Variants in GLRX observed in about 807,000 individuals in gnomAD.
The protein encoded by GLRX is glutaredoxin-1.
GLRX carries 9 observed loss-of-function variants against 11.1 expected under a neutral mutation model. The ratio of observed to expected loss-of-function variants is 0.81; its 90% confidence interval spans 0.49 to 1.42. The LOEUF is 1.42. Ranked by LOEUF, GLRX falls within the 40% of genes most tolerant of loss-of-function variation. The pLI, the probability that GLRX is intolerant of heterozygous loss-of-function variation, is 0.00. For missense variants in GLRX, 102 were observed against 126.2 expected, an observed-to-expected ratio of 0.81 and a Z score of 0.92; for synonymous variants, 49 against 49.5, an observed-to-expected ratio of 0.99 and a Z score of 0.04.
Position 95,822,677 on chromosome 5 carries a change from G to T in GLRX, c.-15C>A. 1 of 1,609,862 alleles carries T rather than the reference G, an allele frequency of 6.2e-7. No homozygotes were observed. Among genetic ancestry groups the T allele is most frequent in the Non-Finnish European group, 8.5e-7 (1 of 1,176,374 alleles). Reference sequence around the variant, plus strand: ...TCTTGAGCCATGCCGATGGGCTGCGGTCTCCCCGGGAAGAATCCTCAGTTG... The same window carrying T: ...TCTTGAGCCATGCCGATGGGCTGCGTTCTCCCCGGGAAGAATCCTCAGTTG... On this transcript the variant is annotated 5_prime_UTR_variant, in exon 1 of 3. Transcript: ENST00000237858.
intron 2 of GLRX, among the ~76,000 whole-genome samples, chr5:95,815,950 ACT>A (rs1746979277): frequency 6.6e-6 from 1 of 151,540 alleles, no homozygotes; most frequent in Non-Finnish European, 1.5e-5. Context: ...CACTTCATTC[ACT>A]CTATTCCTGC....
At chr5:95,820,352 T>TAA (rs58201790) in intron 1 of GLRX, among the ~76,000 whole-genome samples, 3,117 of 79,246 alleles carry the variant, frequency 0.039, 85 homozygotes, top group African/African-American at 0.056. Context: ...CTCTGTCTCT[T>TAA]AAAAAAAAAA....
In GLRX at chr5:95,814,254, A is replaced by G. The variant is rs953273257; in HGVS notation, c.*142T>C. The G allele has an allele frequency of 6.5e-6, 1 of 152,680 alleles. No homozygotes were observed. Among genetic ancestry groups the G allele is most frequent in the African/African-American group, 2.4e-5 (1 of 41,458 alleles). The allele number at this position is 152,680 out of a possible 1,614,324, so 9.5% of individuals were successfully genotyped here. A position where few individuals can be genotyped will look rare whatever the true frequency, so the allele number is the denominator to read the frequency against. ...TCTGGATAGCCATCTTAAATAACAG[A>G]GTGTTCCGCATGACCACAGCCTCTG... On this transcript the variant is annotated 3_prime_UTR_variant, in exon 3 of 3. Transcript: ENST00000237858.
intron 2 of GLRX, among the ~76,000 whole-genome samples, chr5:95,815,134 G>A (rs1746940975): frequency 6.6e-6 from 1 of 152,166 alleles, no homozygotes; most frequent in African/African-American, 2.4e-5. Flanking sequence ...TGCAAATAAG[G>A]AGACTTTCTG....
intron 2 of GLRX, among the ~76,000 whole-genome samples, chr5:95,816,035 T>C (rs1252505788): frequency 2.6e-5 from 4 of 152,208 alleles, no homozygotes; most frequent in Admixed American, 2.6e-4. Context: ...TCCCTCTGCC[T>C]GAAAAGCTCT....
chr5:95,822,579 C>T lies in GLRX; in HGVS notation c.84G>A (p.Arg28=). The T allele has an allele frequency of 1.9e-6, 3 of 1,613,804 alleles. No individual in the cohort carries two copies. Among genetic ancestry groups the T allele is most frequent in the Non-Finnish European group, 2.5e-6 (3 of 1,179,776 alleles). ...GCAATTGACTGAGGATCTCTTGGGCCCTCCTGCAGTACGGGCAGGTGGGCT... is the reference window on the plus strand; with the variant it reads ...GCAATTGACTGAGGATCTCTTGGGCTCTCCTGCAGTACGGGCAGGTGGGCT... The part of the protein sequence containing the change: ...FIKPTCPYCR[R]AQEILSQLPI... The change falls in exon 1 of 3, where the codon AGG becomes AGA. Residue 28 remains arginine (R), a synonymous_variant. Transcript: ENST00000237858.
chr5:95,820,989 G>T (rs189221725), intron 1 of GLRX, among the ~76,000 whole-genome samples: 19 of 152,118 alleles, frequency 1.2e-4, no homozygotes, highest in African/African-American at 4.3e-4. Context: ...GGTGGTGGGC[G>T]CCTGTAATCC....
chr5:95,814,387 G>A lies in GLRX; in HGVS notation c.*9C>T, dbSNP rs529852879. 1 of 152,816 alleles carries A rather than the reference G, an allele frequency of 6.5e-6. No homozygotes were observed. The highest frequency in any genetic ancestry group is 1.9e-4 in the East Asian group (1 of 5,194). The allele number at this position is 152,816 out of a possible 1,614,324, so 9.5% of individuals were successfully genotyped here. On this transcript the variant is annotated splice_region_variant and 3_prime_UTR_variant, in exon 3 of 3. Transcript: ENST00000237858. Reference sequence around the variant, plus strand: ...CAGAATTGTTGAACATTTCCTATGAGATCTGTGGAGGACAAGGTGGAGAAC... The same window carrying A: ...CAGAATTGTTGAACATTTCCTATGAAATCTGTGGAGGACAAGGTGGAGAAC...
intron 1 of GLRX, among the ~76,000 whole-genome samples, chr5:95,819,897 CA>C (rs35347478): frequency 2.8e-3 from 153 of 54,164 alleles, no homozygotes; most frequent in Admixed American, 3.4e-3. Flanking sequence ...GACTCCGTCT[CA>C]AAAAAAAAAA....
chr5:95,822,228 T>A (rs775666200), intron 1 of GLRX: 17 of 570,556 alleles, frequency 3.0e-5, no homozygotes, highest in Non-Finnish European at 5.0e-5. Context: ...ACAGCAGACA[T>A]CAGCTGTACT....
chr5:95,818,225 AAAACTGCCAT>A (rs772335926), intron 1 of GLRX: 2 of 152,222 alleles, frequency 1.3e-5, no homozygotes, highest in Non-Finnish European at 2.9e-5. Context: ...GGACAACTGC[AAAACTGCCAT>A]AAATCGTATC....
Position 95,816,509 on chromosome 5 carries a change from G to A in GLRX, c.*4C>T, listed in dbSNP as rs111319066. Reference sequence around the variant, plus strand: ...CCAGCACCTCACCTGCCACTCACCTGTGGTTACTGCAGAGCTCCAATCTGC... The same window carrying A: ...CCAGCACCTCACCTGCCACTCACCTATGGTTACTGCAGAGCTCCAATCTGC... On this transcript the variant is annotated splice_region_variant and 3_prime_UTR_variant, in exon 2 of 3. Coordinates refer to ENST00000237858, the MANE Select transcript of GLRX (RefSeq NM_001118890.2). 1.1e-5 allele frequency: 17 copies of A among 1,480,418 alleles called. No individual in the cohort carries two copies. Among genetic ancestry groups the A allele is most frequent in the Non-Finnish European group, 1.5e-5 (16 of 1,058,114 alleles). 91.7% of individuals were successfully genotyped at this position (1,480,418 alleles called of 1,614,324 possible).
chr5:95,820,014 G>A (rs1747167505), intron 1 of GLRX, among the ~76,000 whole-genome samples: 2 of 151,990 alleles, frequency 1.3e-5, no homozygotes, highest in South Asian at 4.2e-4. Context: ...CCCCTAGGAG[G>A]AATGCACTCA....
At position 95,822,435 on chromosome 5, in the gene GLRX, G is replaced by A. The variant is rs1198950721; in HGVS notation, c.207+21C>T. On this transcript the variant is annotated intron_variant, in intron 1 of 2. Transcript: ENST00000237858. ...AAGGCAATCCGGGAGCCTTTCCCTAGCCGTTTAAAATGAAACTCACCGTTC... is the reference window on the plus strand; with the variant it reads ...AAGGCAATCCGGGAGCCTTTCCCTAACCGTTTAAAATGAAACTCACCGTTC... 8 of 1,586,282 alleles carry A rather than the reference G, an allele frequency of 5.0e-6. No individual in the cohort carries two copies. In the South Asian group the frequency reaches 7.7e-5, roughly 15 times the overall value.
At chr5:95,816,318 G>T in intron 2 of GLRX, 189 bp downstream of exon 2, 1 of 529,752 alleles carries the variant, frequency 1.9e-6, no homozygotes, top group Non-Finnish European at 3.4e-6. Flanking sequence ...TTGAGTGAAA[G>T]GATTTCTCTC....
intron 2 of GLRX, chr5:95,814,947 TG>T: frequency 5.8e-6 from 1 of 171,102 alleles, no homozygotes. Context: ...GACGTCAGCA[TG>T]GGGCCTGTTC....
intron 1 of GLRX, among the ~76,000 whole-genome samples, chr5:95,820,258 G>C (rs139270537): frequency 6.6e-6 from 1 of 151,478 alleles, no homozygotes; most frequent in African/African-American, 2.4e-5. Flanking sequence ...GGCTGAGGTG[G>C]GAGGGTCACT....
In GLRX at chr5:95,815,919, C is replaced by T. The variant is rs576985934; in HGVS notation, c.*6+588G>A. ...TGCTCTGGCCCCTGCCCACCTTTCT[C>T]GCTATTCTTCCTTTTCACTGCACTT... On this transcript the variant is annotated intron_variant, in intron 2 of 2. Transcript: ENST00000237858. 1.6e-4 allele frequency among the ~76,000 whole-genome samples: 25 copies of T among 152,322 alleles called. No individual in the cohort carries two copies. In the East Asian group the frequency reaches 4.4e-3, roughly 27 times the overall value.
Position 95,816,530 on chromosome 5 carries a change from T to C in GLRX, c.304A>G (p.Ile102Val). The change falls in exon 2 of 3, where the codon ATT (isoleucine) becomes GTT (valine). Residue 102 changes from isoleucine to valine, a missense_variant. Coordinates refer to ENST00000237858, the MANE Select transcript of GLRX (RefSeq NM_001118890.2). ...SGELLTRLKQ[I>V]GALQ ...ACCTGTGGTTACTGCAGAGCTCCAA[T>C]CTGCTTTAGCCGCGTCAGCAGTTCC... 1 of 1,587,526 alleles carries C rather than the reference T, an allele frequency of 6.3e-7. No individual in the cohort carries two copies. The highest frequency in any genetic ancestry group is 1.1e-5 in the South Asian group (1 of 90,568).
Sources: allele counts gnomAD v4.1 joint callset (sites outside exome capture counted in the v4.1 genomes callset), GRCh38; gene constraint gnomAD v4.1.1; transcripts MANE v1.5; gene names NCBI Gene and HGNC (gene_info 2026-07-23, HGNC 2026-07-21).